Variants in ATP9A observed in about 807,000 individuals in gnomAD.
ATP9A encodes the protein probable phospholipid-transporting ATPase IIA.
Under a neutral mutation model 144.1 loss-of-function variants are expected in ATP9A, and 52 were observed. The ratio of observed to expected loss-of-function variants is 0.36; its 90% CI spans 0.29 to 0.45. The LOEUF is 0.45. Among genes scored for constraint, ATP9A ranks in the 20% least tolerant of loss-of-function variants. The pLI, the probability that ATP9A is intolerant of heterozygous loss-of-function variation, is 1.00. For missense variants in ATP9A, 947 were observed against 1,392.7 expected, an observed-to-expected ratio of 0.68 and a Z score of 5.09; for synonymous variants, 582 against 557.4, an observed-to-expected ratio of 1.04 and a Z score of -0.62.
intron 3 of ATP9A, 40 bp downstream of exon 3, chr20:51,725,779 A>G: frequency 7.3e-7 from 1 of 1,375,738 alleles, no homozygotes; most frequent in South Asian, 1.2e-5. Flanking sequence ...CTGTTTCCAA[A>G]CCTCTAAGGT....
chr20:51,671,793 G>GA, intron 11 of ATP9A, among the ~76,000 whole-genome samples: 1 of 151,706 alleles, frequency 6.6e-6, no homozygotes, highest in Non-Finnish European at 1.5e-5. Context: ...ACATTTCTAT[G>GA]AATTTGACTA....
At chr20:51,704,000 C>T (rs964543783) in intron 4 of ATP9A, among the ~76,000 whole-genome samples, 3 of 152,026 alleles carry the variant, frequency 2.0e-5, no homozygotes, top group African/African-American at 7.2e-5. Flanking sequence ...GACATTAAAA[C>T]GCCTCTGCAG....
chr20:51,718,490 CA>C (rs1432819712), intron 3 of ATP9A, among the ~76,000 whole-genome samples: 7 of 151,096 alleles, frequency 4.6e-5, no homozygotes, highest in African/African-American at 1.7e-4. Context: ...GAGTGGGGGG[CA>C]AAAAGAATGG....
At chr20:51,753,114 G>A (rs749629879) in intron 1 of ATP9A, among the ~76,000 whole-genome samples, 1 of 149,624 alleles carries the variant, frequency 6.7e-6, no homozygotes, top group South Asian at 2.1e-4. Flanking sequence ...AAAAAAAAAA[G>A]AAAGAAAGAA....
rs191211070 is a variant in ATP9A at position 51,632,427 on chromosome 20, C to G, written c.1669-3355G>C. Among the ~76,000 whole-genome samples the G allele has an allele frequency of 3.3e-5, 5 of 152,306 alleles. No homozygotes were observed. In the East Asian group the frequency reaches 9.6e-4, roughly 29 times the overall value. The stretch of plus-strand genomic sequence containing the variant: ...AACTTCCTCACATCAGATAACTGGA[C>G]AGTCATTTGCATAGAGCATTTGGGT... On this transcript the variant is annotated intron_variant, in intron 15 of 27. Coordinates refer to ENST00000338821, the MANE Select transcript of ATP9A (RefSeq NM_006045.3).
At chr20:51,642,854 C>T (rs963289684) in intron 14 of ATP9A, among the ~76,000 whole-genome samples, 2 of 151,414 alleles carry the variant, frequency 1.3e-5, no homozygotes, top group Non-Finnish European at 2.9e-5. Context: ...CACCCCTAGT[C>T]CTTTCTTTCT....
intron 4 of ATP9A, among the ~76,000 whole-genome samples, chr20:51,707,009 T>C (rs2077617345): frequency 6.6e-6 from 1 of 152,126 alleles, no homozygotes; most frequent in Non-Finnish European, 1.5e-5. Context: ...CTTCGCCTAA[T>C]TGGGAACAGC....
At chr20:51,761,804 G>C (rs1403000113) in intron 1 of ATP9A, among the ~76,000 whole-genome samples, 4 of 151,926 alleles carry the variant, frequency 2.6e-5, no homozygotes, top group African/African-American at 7.2e-5. Context: ...TTAAAACAAT[G>C]CAAGTTTATT....
At chr20:51,605,805 C>T (rs1313561491) in intron 26 of ATP9A, among the ~76,000 whole-genome samples, 1 of 150,970 alleles carries the variant, frequency 6.6e-6, no homozygotes, top group Non-Finnish European at 1.5e-5. Context: ...CCCAGCTACT[C>T]GGGAGGCTGA....
chr20:51,613,589 C>G (rs2077192303), intron 23 of ATP9A, 88 bp downstream of exon 23: 2 of 1,335,018 alleles, frequency 1.5e-6, no homozygotes, highest in South Asian at 3.3e-5. Flanking sequence ...TACATAGCCA[C>G]ATGTACATGT....
intron 4 of ATP9A, among the ~76,000 whole-genome samples, chr20:51,707,647 C>T (rs78511520): frequency 2.4e-3 from 360 of 152,288 alleles, no homozygotes; most frequent in African/African-American, 8.1e-3. Context: ...CTCCTGGGAA[C>T]GATGCTCAGA....
At chr20:51,634,209 G>C (rs1214540259) in intron 15 of ATP9A, among the ~76,000 whole-genome samples, 2 of 152,170 alleles carry the variant, frequency 1.3e-5, no homozygotes, top group Non-Finnish European at 2.9e-5. Context: ...TGACATTAGG[G>C]ACTGCTCAAT....
intron 4 of ATP9A, among the ~76,000 whole-genome samples, chr20:51,712,073 T>TC (rs986555068): frequency 7.6e-6 from 1 of 131,180 alleles, no homozygotes; most frequent in African/African-American, 3.2e-5. Context: ...GCCAGGCTGG[T>TC]CTTTTTTTTT....
At chr20:51,731,810 C>G (rs941573694) in intron 1 of ATP9A, among the ~76,000 whole-genome samples, 8 of 152,142 alleles carry the variant, frequency 5.3e-5, no homozygotes, top group African/African-American at 1.9e-4. Context: ...ACTGTGTCAG[C>G]CTTATTCCAA....
intron 13 of ATP9A, among the ~76,000 whole-genome samples, chr20:51,658,035 A>G (rs1347159491): frequency 1.3e-5 from 2 of 152,214 alleles, no homozygotes; most frequent in Non-Finnish European, 1.5e-5. Flanking sequence ...AGTCTTGGAA[A>G]AATGGTTTTG....
At chr20:51,736,329 GAAGGTTAT>G (rs2077762509) in intron 1 of ATP9A, among the ~76,000 whole-genome samples, 1 of 152,108 alleles carries the variant, frequency 6.6e-6, no homozygotes, top group South Asian at 2.1e-4. Context: ...TGGATCATTT[GAAGGTTAT>G]AAGCAGGAGA....
intron 1 of ATP9A, among the ~76,000 whole-genome samples, chr20:51,745,180 T>C (rs773337412): frequency 6.3e-4 from 95 of 151,526 alleles, no homozygotes; most frequent in Non-Finnish European, 2.4e-4. Flanking sequence ...GGCAGGAGAA[T>C]TGCTTGAACC....
chr20:51,653,332 T>C (rs1453551304), intron 14 of ATP9A, among the ~76,000 whole-genome samples: 1 of 151,950 alleles, frequency 6.6e-6, no homozygotes, highest in African/African-American at 2.4e-5. Context: ...AGATTTATCC[T>C]CATGGAAAAA....
chr20:51,707,561 G>A (rs1231198431), intron 4 of ATP9A, among the ~76,000 whole-genome samples: 1 of 152,082 alleles, frequency 6.6e-6, no homozygotes, highest in Non-Finnish European at 1.5e-5. Flanking sequence ...CATTTACTGA[G>A]AACTTAAAGG....
Sources: gnomAD v4.1 joint callset for allele counts (sites outside exome capture counted in the v4.1 genomes callset) on GRCh38, gnomAD v4.1.1 for gene constraint, MANE v1.5 for transcripts, NCBI Gene and HGNC (gene_info 2026-07-23, HGNC 2026-07-21) for gene names.